Variants in SCAPER observed in about 807,000 individuals in gnomAD.
SCAPER encodes the protein S phase cyclin A-associated protein in the endoplasmic reticulum.
A neutral mutation model predicts 182.2 loss-of-function variants in SCAPER; 98 were observed. That is an observed-to-expected ratio of 0.54 (90% CI 0.46 to 0.64). SCAPER has a LOEUF of 0.64. SCAPER is among the 30% of genes least tolerant of loss of function. SCAPER has a pLI of 0.00. For missense variants in SCAPER, 1,432 were observed against 1,690.0 expected (o/e 0.85, Z 2.68); for synonymous variants, 605 against 564.6 (o/e 1.07, Z -1.01).
intron 21 of SCAPER, among the ~76,000 whole-genome samples, chr15:76,653,361 A>C (rs1407017633): frequency 6.6e-6 from 1 of 152,222 alleles, no homozygotes; most frequent in Non-Finnish European, 1.5e-5. Context: ...ATTAGAAAAA[A>C]TGATTCTAAA....
chr15:76,785,513 A>G (rs772623380), intron 8 of SCAPER, among the ~76,000 whole-genome samples: 7 of 152,242 alleles, frequency 4.6e-5, no homozygotes, highest in Non-Finnish European at 8.8e-5. Context: ...CTTGCCCAGC[A>G]ATCCCATTAC....
intron 8 of SCAPER, among the ~76,000 whole-genome samples, chr15:76,794,386 T>G (rs1318892323): frequency 6.6e-6 from 1 of 152,238 alleles, no homozygotes; most frequent in Non-Finnish European, 1.5e-5. Context: ...GTTTTCTGAT[T>G]GTGTATTTTC....
chr15:76,606,090 C>G (rs1234873180), intron 22 of SCAPER, among the ~76,000 whole-genome samples: 1 of 152,122 alleles, frequency 6.6e-6, no homozygotes, highest in Admixed American at 6.5e-5. Context: ...CCTTGCTTCT[C>G]TAGTTCTTTT....
intron 24 of SCAPER, chr15:76,472,076 A>G: frequency 3.1e-6 from 1 of 327,218 alleles, no homozygotes; most frequent in East Asian, 7.5e-5. Flanking sequence ...CATCCATAGC[A>G]TATGTCCTGC....
chr15:76,728,848 G>A (rs2151022637), intron 16 of SCAPER, 111 bp from the exon 17 acceptor site: 17 of 1,126,812 alleles, frequency 1.5e-5, no homozygotes, highest in East Asian at 5.2e-5. Flanking sequence ...TAGAAACATG[G>A]GCTTGCCACT....
chr15:76,498,186 C>T (rs62028437), intron 24 of SCAPER, among the ~76,000 whole-genome samples: 10,340 of 152,044 alleles, frequency 0.068, 392 homozygotes, highest in Middle Eastern at 0.11. Context: ...TAATATGTCT[C>T]ATTTTCCGTG....
chr15:76,405,634 T>A (rs1354350652), intron 26 of SCAPER, among the ~76,000 whole-genome samples: 2 of 152,228 alleles, frequency 1.3e-5, no homozygotes, highest in Admixed American at 1.3e-4. Flanking sequence ...ACTCTTTTAT[T>A]AATCCACAGA....
chr15:76,643,687 A>C (rs565926642), intron 21 of SCAPER, among the ~76,000 whole-genome samples: 1 of 152,300 alleles, frequency 6.6e-6, no homozygotes, highest in African/African-American at 2.4e-5. Flanking sequence ...GTCTTTAAAA[A>C]ACAAACAAAC....
intron 5 of SCAPER, among the ~76,000 whole-genome samples, chr15:76,826,787 T>C (rs1318122621): frequency 2.0e-5 from 3 of 152,238 alleles, no homozygotes; most frequent in Non-Finnish European, 4.4e-5. Context: ...ATTCATTAAA[T>C]GTGGTTGAAT....
At chr15:76,507,362 C>T (rs942736615) in intron 23 of SCAPER, among the ~76,000 whole-genome samples, 1 of 152,038 alleles carries the variant, frequency 6.6e-6, no homozygotes, top group African/African-American at 2.4e-5. Flanking sequence ...CATCTAAAAC[C>T]GAGGGAAAAT....
intron 26 of SCAPER, among the ~76,000 whole-genome samples, chr15:76,405,927 G>A (rs7179142): frequency 0.4 from 60,214 of 151,956 alleles, 14,206 homozygotes; most frequent in Middle Eastern, 0.55. Flanking sequence ...GCCATTCCAA[G>A]TTTACTATGT....
chr15:76,379,498 C>T (rs908427009), intron 28 of SCAPER, among the ~76,000 whole-genome samples: 2 of 151,422 alleles, frequency 1.3e-5, no homozygotes, highest in African/African-American at 4.9e-5. Context: ...CCCTAGAGAC[C>T]CTGATTTTGA....
At chr15:76,665,002 T>C (rs2056464521) in intron 21 of SCAPER, among the ~76,000 whole-genome samples, 1 of 152,180 alleles carries the variant, frequency 6.6e-6, no homozygotes, top group South Asian at 2.1e-4. Context: ...TACGGACATA[T>C]TCAGAATAGT....
chr15:76,730,654 T>C (rs985823507), intron 16 of SCAPER, among the ~76,000 whole-genome samples: 1 of 140,976 alleles, frequency 7.1e-6, no homozygotes, highest in South Asian at 2.1e-4. Context: ...TGAAAACACA[T>C]GTTTCACAAC....
Position 76,765,396 on chromosome 15 carries a change from A to G in SCAPER, c.1554T>C (p.Ala518=). 2.5e-6 allele frequency: 4 copies of G among 1,613,996 alleles called. No homozygotes were observed. The South Asian group carries it at 4.4e-5, about 18-fold the overall frequency. ...TGTGAATTCCATGCCCTGGAGGTCT[A>G]GCAGGTTCTTCTTCTACAATGTCCC... The part of the protein sequence containing the change: ...SWGDIVEEEP[A]RPPGHGIHMH... The change falls in exon 13 of 32, where the codon GCT becomes GCC. Residue 518 remains alanine (A), a synonymous_variant. Transcript: ENST00000563290.
intron 9 of SCAPER, among the ~76,000 whole-genome samples, chr15:76,773,091 T>C (rs75282369): frequency 0.054 from 8,170 of 151,990 alleles, 273 homozygotes; most frequent in Non-Finnish European, 0.069. Context: ...TCAGTCGCCA[T>C]GGTTTATAAT....
intron 25 of SCAPER, among the ~76,000 whole-genome samples, chr15:76,467,458 A>T (rs1446010589): frequency 4.7e-5 from 7 of 148,716 alleles, no homozygotes; most frequent in African/African-American, 1.7e-4. Flanking sequence ...TTTTTTTTTT[A>T]AAGACAGGAT....
chr15:76,562,805 C>T (rs1443076830), intron 23 of SCAPER, among the ~76,000 whole-genome samples: 1 of 152,154 alleles, frequency 6.6e-6, no homozygotes, highest in Non-Finnish European at 1.5e-5. Context: ...TACATGCTTA[C>T]AGGCACATTT....
intron 22 of SCAPER, among the ~76,000 whole-genome samples, chr15:76,583,499 G>C (rs770027472): frequency 1.3e-5 from 2 of 152,166 alleles, no homozygotes; most frequent in Non-Finnish European, 1.5e-5. Context: ...CAGAATGGGA[G>C]AAAATATTTA....
Sources: allele counts gnomAD v4.1 joint callset (sites outside exome capture counted in the v4.1 genomes callset), GRCh38; gene constraint gnomAD v4.1.1; transcripts MANE v1.5; gene names NCBI Gene and HGNC (gene_info 2026-07-23, HGNC 2026-07-21).